The following TEX9 variants were observed in gnomAD, a reference collection of about 807,000 sequenced individuals.
The protein encoded by TEX9 is testis-expressed protein 9.
In TEX9, 74 loss-of-function variants were observed where a neutral mutation model predicts 59.6. The observed-to-expected ratio is 1.24, with a 90% CI of 1.03 to 1.51. TEX9 has a LOEUF of 1.51. Ranked by LOEUF, TEX9 falls within the 40% of genes most tolerant of loss-of-function variation. The pLI, the probability that TEX9 is intolerant of heterozygous loss-of-function variation, is 0.00. For missense variants in TEX9, 522 were observed against 447.8 expected (o/e 1.17, Z -1.49); for synonymous variants, 186 against 152.2 (o/e 1.22, Z -1.64).
rs777478445 is a variant in TEX9, at chr15:56,250,595, A to C, written c.-107+6317A>C. On this transcript the variant is annotated intron_variant, in intron 1 of 5. Coordinates refer to the TEX9 transcript ENST00000560827. ...TGTGTACAAAGCGAGGTTCTACGAG[A>C]GAACAAGTAGTAGGAGATATATATT... Among the ~76,000 whole-genome samples the C allele has an allele frequency of 2.0e-5, 3 of 152,310 alleles. 1 individual carries two copies. Among genetic ancestry groups the C allele is most frequent in the South Asian group, 4.2e-4 (2 of 4,812 alleles).
At chr15:56,345,802 T>C (rs566917407) in intron 1 of TEX9, among the ~76,000 whole-genome samples, 1 of 152,294 alleles carries the variant, frequency 6.6e-6, no homozygotes, top group East Asian at 1.9e-4. Flanking sequence ...AAACTAGTAA[T>C]AGCTTTGGGG....
chr15:56,400,927 T>C (rs1596187658), intron 9 of TEX9, among the ~76,000 whole-genome samples: 1 of 152,030 alleles, frequency 6.6e-6, no homozygotes, highest in Admixed American at 6.6e-5. Context: ...GACAAGCAAA[T>C]GCTGAGAGAT....
intron 3 of TEX9, among the ~76,000 whole-genome samples, chr15:56,379,915 T>C (rs2047649302): frequency 1.3e-5 from 2 of 151,942 alleles, no homozygotes; most frequent in African/African-American, 2.4e-5. Flanking sequence ...AGTCTATATA[T>C]ATATCTTTAT....
chr15:56,409,323 C>CA (rs1262997903), intron 9 of TEX9, among the ~76,000 whole-genome samples: 1 of 152,186 alleles, frequency 6.6e-6, no homozygotes, highest in East Asian at 1.9e-4. Flanking sequence ...TTACAAGGTT[C>CA]ACCTAGGCTT....
chr15:56,440,488 T>C (rs1178708009), intron 12 of TEX9, among the ~76,000 whole-genome samples: 22 of 152,246 alleles, frequency 1.4e-4, no homozygotes, highest in African/African-American at 5.3e-4. Context: ...GAAATGAAAA[T>C]TGATGTTTAT....
chr15:56,265,247 C>A (rs1369834700), intron 1 of TEX9, among the ~76,000 whole-genome samples: 1 of 150,904 alleles, frequency 6.6e-6, no homozygotes, highest in Non-Finnish European at 1.5e-5. Flanking sequence ...CTTACTGTAA[C>A]CTTGAACTCC....
chr15:56,269,270 A>G (rs2044465207), intron 1 of TEX9, among the ~76,000 whole-genome samples: 1 of 152,068 alleles, frequency 6.6e-6, no homozygotes, highest in Non-Finnish European at 1.5e-5. Context: ...TCAAAAAACC[A>G]GCTCCTGGAT....
intron 10 of TEX9, among the ~76,000 whole-genome samples, chr15:56,413,610 A>G (rs1222720126): frequency 2.0e-5 from 3 of 151,322 alleles, no homozygotes; most frequent in East Asian, 1.9e-4. Context: ...TATAAATTTG[A>G]CTGCTCTAGG....
At position 56,425,517 on chromosome 15, in the gene TEX9, T is replaced by C. The variant is rs77260349; in HGVS notation, c.964-2088T>C. Reference sequence around the variant, plus strand: ...GCTGTTGAACCCTTCAAGTGAATTTTTCCATTCAGTTACTGTATTTTTCAG... The same window carrying C: ...GCTGTTGAACCCTTCAAGTGAATTTCTCCATTCAGTTACTGTATTTTTCAG... On this transcript the variant is annotated intron_variant, in intron 10 of 12. Transcript: ENST00000352903. Among the ~76,000 whole-genome samples the C allele has an allele frequency of 5.4e-3, 824 of 152,256 alleles. 6 individuals are homozygous for C. The highest frequency in any genetic ancestry group is 0.019 in the African/African-American group (778 of 41,554).
At chr15:56,279,716 G>A (rs1479687796) in intron 1 of TEX9, among the ~76,000 whole-genome samples, 3 of 152,128 alleles carry the variant, frequency 2.0e-5, no homozygotes, top group African/African-American at 4.8e-5. Context: ...ATAATTTAGA[G>A]TGACATTAAA....
At chr15:56,317,016 G>C (rs544253960) in intron 1 of TEX9, among the ~76,000 whole-genome samples, 244 of 152,280 alleles carry the variant, frequency 1.6e-3, no homozygotes, top group African/African-American at 5.6e-3. Context: ...TGCTCGCGCA[G>C]GGTGCGCGCA....
intron 10 of TEX9, 33 bp downstream of exon 10, chr15:56,412,469 C>T: frequency 6.4e-7 from 1 of 1,573,726 alleles, no homozygotes; most frequent in South Asian, 1.2e-5. Context: ...TTGTAGTGAT[C>T]CCTTTTGGTA....
At chr15:56,459,990 C>CTTAAAAAAAA in the TEX9 span, among the ~76,000 whole-genome samples, 1 of 11,126 alleles carries the variant, frequency 9.0e-5, no homozygotes, top group Non-Finnish European at 1.6e-4. Flanking sequence ...AATTCTGTCT[C>CTTAAAAAAAA]AAAAAAAAAA....
intron 1 of TEX9, among the ~76,000 whole-genome samples, chr15:56,251,211 A>G (rs1267038562): frequency 2.0e-5 from 3 of 152,116 alleles, no homozygotes; most frequent in African/African-American, 4.8e-5. Flanking sequence ...TGCCAGTGTT[A>G]TATTGTGGCT....
At chr15:56,451,760 T>A in the TEX9 span, among the ~76,000 whole-genome samples, 1 of 152,290 alleles carries the variant, frequency 6.6e-6, no homozygotes, top group East Asian at 1.9e-4. Flanking sequence ...TGTCGTAAAT[T>A]GAAAATGTAG....
chr15:56,446,935 A>C, downstream of TEX9: 1 of 1,606,802 alleles, frequency 6.2e-7, no homozygotes, highest in Non-Finnish European at 8.5e-7. Context: ...CAATTCTCTA[A>C]GCTCAATGCT....
At position 56,331,915 on chromosome 15, in the gene TEX9, A is replaced by G. The variant is rs901918362; in HGVS notation, c.-106-41526A>G. On this transcript the variant is annotated intron_variant, in intron 1 of 5. Coordinates refer to the TEX9 transcript ENST00000560827. ...CAGAGAAATGCAAATCAAAACCACA[A>G]TGAGATACCATCTCACACCAGTTAG... Among the ~76,000 whole-genome samples, 7 of 138,902 alleles carry G rather than the reference A, an allele frequency of 5.0e-5. No homozygotes were observed. In the South Asian group the frequency reaches 1.3e-3, roughly 25 times the overall value. The allele number at this position is 138,902 out of a possible 152,430, so 91.1% of individuals were successfully genotyped here.
intron 1 of TEX9, among the ~76,000 whole-genome samples, chr15:56,354,463 T>C (rs2046648375): frequency 6.6e-6 from 1 of 152,152 alleles, no homozygotes; most frequent in Admixed American, 6.5e-5. Context: ...GGGAAAGACA[T>C]ACCAGGAAAA....
At chr15:56,419,298 C>T (rs1268906697) in intron 10 of TEX9, among the ~76,000 whole-genome samples, 1 of 151,776 alleles carries the variant, frequency 6.6e-6, no homozygotes, top group Non-Finnish European at 1.5e-5. Context: ...TTCTACAGAC[C>T]TTTTCTGTAA....
Sources: gnomAD v4.1 joint callset for allele counts (sites outside exome capture counted in the v4.1 genomes callset) on GRCh38, gnomAD v4.1.1 for gene constraint, MANE v1.5 for transcripts, NCBI Gene and HGNC (gene_info 2026-07-23, HGNC 2026-07-21) for gene names.